MAP2K6: variants seen among roughly 807,000 people sequenced by gnomAD.
The protein encoded by MAP2K6 is mitogen-activated protein kinase kinase 6.
MAP2K6 carries 16 observed loss-of-function variants against 53.7 expected under a neutral mutation model. The ratio of observed to expected loss-of-function variants is 0.30; its 90% CI spans 0.20 to 0.45. MAP2K6 has a LOEUF of 0.45. Among genes scored for constraint, MAP2K6 ranks in the 20% least tolerant of loss-of-function variants. The pLI is 1.00. For missense variants in MAP2K6, 204 were observed against 411.9 expected (o/e 0.50, Z 4.37); for synonymous variants, 132 against 143.1 (o/e 0.92, Z 0.55).
At chr17:69,526,168 G>C (rs1485294875) in intron 9 of MAP2K6, among the ~76,000 whole-genome samples, 1 of 152,170 alleles carries the variant, frequency 6.6e-6, no homozygotes. Flanking sequence ...TTCACCAAGG[G>C]ACCTGAAGGT....
intron 1 of MAP2K6, among the ~76,000 whole-genome samples, chr17:69,427,071 G>A (rs1280580747): frequency 6.6e-6 from 1 of 152,212 alleles, no homozygotes; most frequent in African/African-American, 2.4e-5. Flanking sequence ...TAAGCAAGCT[G>A]TTGGTTCAAT....
chr17:69,502,684 G>C (rs1401618416), intron 1 of MAP2K6: 1 of 985,570 alleles, frequency 1.0e-6, no homozygotes, highest in East Asian at 1.1e-4. Context: ...AGTAAATTCA[G>C]GGTAAGAATG....
chr17:69,547,923 C>T lies in MAP2K6; in HGVS notation c.*6170C>T, dbSNP rs563699091. The T allele has an allele frequency of 3.9e-5, 6 of 152,192 alleles. No homozygotes were observed. The highest frequency in any genetic ancestry group is 7.3e-5 in the Non-Finnish European group (5 of 68,034). The allele number at this position is 152,192 out of a possible 1,614,324, so 9.4% of individuals were successfully genotyped here. ...CGAACCCAGACACTAGTCAATCTCT[C>T]TATTCCCTGACTTGTACTGAGATTG... On this transcript the variant is annotated 3_prime_UTR_variant, in exon 12 of 12. Coordinates refer to ENST00000590474, the MANE Select transcript of MAP2K6 (RefSeq NM_002758.4).
At chr17:69,476,473 G>T (rs1908154532) in intron 1 of MAP2K6, among the ~76,000 whole-genome samples, 1 of 152,234 alleles carries the variant, frequency 6.6e-6, no homozygotes, top group South Asian at 2.1e-4. Flanking sequence ...GCTTGTGAAT[G>T]AGGTGGTATA....
chr17:69,532,380 A>C (rs1911129950), intron 10 of MAP2K6, among the ~76,000 whole-genome samples: 2 of 152,248 alleles, frequency 1.3e-5, no homozygotes, highest in African/African-American at 4.8e-5. Flanking sequence ...GCAATTCTCA[A>C]GACAGCATGA....
rs1911999545 is a variant in MAP2K6 at position 69,549,239 on chromosome 17, G to GC, written c.*7487dup. On this transcript the variant is annotated 3_prime_UTR_variant, in exon 12 of 12. Coordinates refer to ENST00000590474, the MANE Select transcript of MAP2K6 (RefSeq NM_002758.4). ...ACAGTTAATCTTGATGTGCTCCATA[G>GC]CTTTCTCCAGTTTACACTTTTGCAT... is the stretch of plus-strand genomic sequence containing the variant. 6.6e-6 allele frequency: 1 copy of GC among 152,156 alleles called. No homozygotes were observed. The highest frequency in any genetic ancestry group is 6.5e-5 in the Admixed American group (1 of 15,278). The allele number at this position is 152,156 out of a possible 1,614,324, so 9.4% of individuals were successfully genotyped here. A position where few individuals can be genotyped will look rare whatever the true frequency, so the allele number is the denominator to read the frequency against.
chr17:69,511,161 C>T (rs1299153964), intron 2 of MAP2K6, among the ~76,000 whole-genome samples: 1 of 152,110 alleles, frequency 6.6e-6, no homozygotes. Flanking sequence ...TTTATATTTT[C>T]CCTCGTATGG....
intron 2 of MAP2K6, among the ~76,000 whole-genome samples, chr17:69,512,129 C>T (rs1909854874): frequency 6.6e-6 from 1 of 151,958 alleles, no homozygotes; most frequent in African/African-American, 2.4e-5. Flanking sequence ...CACACAGCTT[C>T]TCGGTGGAAG....
intron 1 of MAP2K6, among the ~76,000 whole-genome samples, chr17:69,455,851 GT>G (rs11317793): frequency 0.38 from 36,282 of 95,172 alleles, 6,608 homozygotes; most frequent in South Asian, 0.45. Flanking sequence ...TGGACTTTCA[GT>G]TTTTTTTTTT....
At chr17:69,504,007 C>T (rs778639196) in intron 1 of MAP2K6, among the ~76,000 whole-genome samples, 7 of 152,128 alleles carry the variant, frequency 4.6e-5, no homozygotes, top group Non-Finnish European at 8.8e-5. Context: ...CATCTCTAAA[C>T]GTCTTCTATT....
At chr17:69,500,328 C>T (rs1387701671) in intron 1 of MAP2K6, among the ~76,000 whole-genome samples, 2 of 151,244 alleles carry the variant, frequency 1.3e-5, no homozygotes, top group East Asian at 1.9e-4. Flanking sequence ...TATTCCCAGT[C>T]GCAGCTACTC....
chr17:69,429,387 T>C (rs970241696), intron 1 of MAP2K6, among the ~76,000 whole-genome samples: 1 of 151,832 alleles, frequency 6.6e-6, no homozygotes, highest in Non-Finnish European at 1.5e-5. Context: ...GAGTTCAAGT[T>C]TGCAGTGATC....
At chr17:69,424,501 C>A (rs1274761559) in intron 1 of MAP2K6, among the ~76,000 whole-genome samples, 3 of 152,142 alleles carry the variant, frequency 2.0e-5, no homozygotes, top group Non-Finnish European at 4.4e-5. Context: ...CAAACTGAGG[C>A]CGGAGAGGTT....
intron 1 of MAP2K6, among the ~76,000 whole-genome samples, chr17:69,417,219 C>T (rs921121084): frequency 5.9e-5 from 9 of 152,204 alleles, no homozygotes; most frequent in East Asian, 1.9e-4. Flanking sequence ...TATTCAGCTA[C>T]GCTATTCTCA....
chr17:69,480,382 A>G (rs1235776289), intron 1 of MAP2K6, among the ~76,000 whole-genome samples: 3 of 152,026 alleles, frequency 2.0e-5, no homozygotes, highest in African/African-American at 2.4e-5. Flanking sequence ...GGGGAACAGG[A>G]CTCTCCACAG....
chr17:69,538,104 A>G (rs1473990463), intron 11 of MAP2K6, among the ~76,000 whole-genome samples: 3 of 152,188 alleles, frequency 2.0e-5, no homozygotes, highest in African/African-American at 2.4e-5. Context: ...TCGTGGGCTC[A>G]AACAATCCCC....
chr17:69,436,799 CTTCTTTTT>C (rs1239051771), intron 1 of MAP2K6, among the ~76,000 whole-genome samples: 4 of 151,824 alleles, frequency 2.6e-5, no homozygotes, highest in Non-Finnish European at 4.4e-5. Context: ...CTCTCTCTTT[CTTCTTTTT>C]TTCTTTTCTT....
intron 1 of MAP2K6, among the ~76,000 whole-genome samples, chr17:69,445,585 C>T (rs570864238): frequency 4.6e-5 from 7 of 152,126 alleles, no homozygotes; most frequent in Non-Finnish European, 7.4e-5. Context: ...AAGGAAGTAA[C>T]GTGTTTTGGG....
intron 1 of MAP2K6, among the ~76,000 whole-genome samples, chr17:69,419,841 G>C (rs750786075): frequency 1.3e-5 from 2 of 151,772 alleles, no homozygotes; most frequent in Admixed American, 6.6e-5. Flanking sequence ...TTGAACCTGG[G>C]AGGTGGAGGT....
Sources: gnomAD v4.1 joint callset for allele counts (sites outside exome capture counted in the v4.1 genomes callset) on GRCh38, gnomAD v4.1.1 for gene constraint, MANE v1.5 for transcripts, NCBI Gene and HGNC (gene_info 2026-07-23, HGNC 2026-07-21) for gene names.